Variants in UMAD1 observed in about 807,000 individuals in gnomAD.
The protein encoded by UMAD1 is UBAP1-MVB12-associated (UMA) domain containing 1, also known as UBAP1-MVB12-associated (UMA)-domain containing protein 1.
Under a neutral mutation model 6.1 loss-of-function variants are expected in UMAD1, and 8 were observed. The ratio of observed to expected loss-of-function variants is 1.30; its 90% confidence interval spans 0.76 to 2.35. The LOEUF (loss-of-function observed/expected upper bound fraction) is 2.35. Among genes scored for constraint, UMAD1 ranks in the 30% most tolerant of loss-of-function variants. The pLI, the probability that UMAD1 is intolerant of heterozygous loss-of-function variation, is 0.00. For missense variants in UMAD1, 130 were observed against 78.4 expected, an observed-to-expected ratio of 1.66 and a Z score of -2.49; for synonymous variants, 56 against 31.4, an observed-to-expected ratio of 1.78 and a Z score of -2.61.
intron 2 of UMAD1, among the ~76,000 whole-genome samples, chr7:7,701,109 G>A (rs772759750): frequency 1.3e-5 from 2 of 152,142 alleles, no homozygotes; most frequent in Admixed American, 1.3e-4. Context: ...TCGCCATTTG[G>A]TTAATATTCC....
chr7:7,665,166 C>A (rs975032614), intron 1 of UMAD1, among the ~76,000 whole-genome samples: 2 of 152,058 alleles, frequency 1.3e-5, no homozygotes, highest in Non-Finnish European at 2.9e-5. Context: ...ATTGAGAAAA[C>A]CATGTTGCCT....
chr7:7,683,399 A>C (rs759938494), intron 2 of UMAD1, among the ~76,000 whole-genome samples: 19 of 152,044 alleles, frequency 1.2e-4, no homozygotes, highest in Middle Eastern at 3.2e-3. Context: ...ACTACAGTTC[A>C]CTCTCTAATA....
chr7:7,829,584 CAT>C (rs1334795382), intron 3 of UMAD1, among the ~76,000 whole-genome samples: 1 of 152,156 alleles, frequency 6.6e-6, no homozygotes, highest in Non-Finnish European at 1.5e-5. Flanking sequence ...CTTTAGGTCT[CAT>C]ATAATGAATC....
chr7:7,766,751 T>G (rs1781991902), intron 2 of UMAD1, among the ~76,000 whole-genome samples: 1 of 152,252 alleles, frequency 6.6e-6, no homozygotes, highest in Non-Finnish European at 1.5e-5. Flanking sequence ...ATATGTAATT[T>G]CCTACAAATG....
At chr7:7,644,353 C>G (rs1785047344) in intron 1 of UMAD1, among the ~76,000 whole-genome samples, 1 of 122,306 alleles carries the variant, frequency 8.2e-6, no homozygotes, top group Non-Finnish European at 1.6e-5. Context: ...TTCATTCCAT[C>G]CTTTTTTTTT....
intron 2 of UMAD1, among the ~76,000 whole-genome samples, chr7:7,682,102 G>C (rs1779927418): frequency 6.6e-6 from 1 of 152,146 alleles, no homozygotes; most frequent in Non-Finnish European, 1.5e-5. Context: ...TAAAGGAATT[G>C]GGTTACAGTA....
chr7:7,687,528 A>G (rs1454444352), intron 2 of UMAD1, among the ~76,000 whole-genome samples: 2 of 152,216 alleles, frequency 1.3e-5, no homozygotes, highest in East Asian at 3.8e-4. Context: ...CCCTCAACTC[A>G]GACTGGAAGG....
Position 7,830,906 on chromosome 7 carries a change from A to G in UMAD1, c.156+29163A>G, listed in dbSNP as rs1196315166. Reference sequence around the variant, plus strand: ...GTTATTAGTTTTTATGAATAAGCCAATCACCCAAACATTTCCTCATGTGGC... The same window carrying G: ...GTTATTAGTTTTTATGAATAAGCCAGTCACCCAAACATTTCCTCATGTGGC... On this transcript the variant is annotated intron_variant, in intron 3 of 3. Coordinates refer to ENST00000682710, the MANE Select transcript of UMAD1 (RefSeq NM_001302348.2). This position sits in a 1 kb window ranked among gnomAD's most constrained non-coding sequence, Gnocchi z 5.3. Among the ~76,000 whole-genome samples, 1 of 152,170 alleles carries G rather than the reference A, an allele frequency of 6.6e-6. No individual in the cohort carries two copies. The highest frequency in any genetic ancestry group is 2.4e-5 in the African/African-American group (1 of 41,450).
In UMAD1 at chr7:7,833,780, A is replaced by G. The variant is rs58518523; in HGVS notation, c.156+32037A>G. Among the ~76,000 whole-genome samples, 335 of 152,276 alleles carry G rather than the reference A, an allele frequency of 2.2e-3. 3 individuals carry two copies. Among genetic ancestry groups the G allele is most frequent in the African/African-American group, 7.5e-3 (313 of 41,558 alleles). On this transcript the variant is annotated intron_variant, in intron 3 of 3. Coordinates refer to ENST00000682710, the MANE Select transcript of UMAD1 (RefSeq NM_001302348.2). ...CATAGTTCTATGTATGTCTTTAATCATGGAATAGCAGCCAGAACATGGTGG... is the reference window on the plus strand; with the variant it reads ...CATAGTTCTATGTATGTCTTTAATCGTGGAATAGCAGCCAGAACATGGTGG...
chr7:7,873,252 C>T (rs1436341500), intron 3 of UMAD1, among the ~76,000 whole-genome samples: 1 of 152,208 alleles, frequency 6.6e-6, no homozygotes, highest in Admixed American at 6.5e-5. Context: ...GTTCTGGAAT[C>T]TGTGCTCCTA....
intron 2 of UMAD1, chr7:7,736,001 G>C (rs1038256219): frequency 6.6e-5 from 10 of 152,334 alleles, no homozygotes; most frequent in African/African-American, 2.4e-4. Context: ...GAGAAGCTGT[G>C]GTATTTCTTA....
chr7:7,719,599 A>G (rs1781003669), intron 2 of UMAD1, among the ~76,000 whole-genome samples: 1 of 152,074 alleles, frequency 6.6e-6, no homozygotes, highest in African/African-American at 2.4e-5. Context: ...CCGACTGTAT[A>G]TTTTTCAGAG....
chr7:7,642,113 G>T (rs1433569856), intron 1 of UMAD1, among the ~76,000 whole-genome samples: 1 of 152,112 alleles, frequency 6.6e-6, no homozygotes, highest in Non-Finnish European at 1.5e-5. Context: ...TTATATAGGG[G>T]AGAGTACACA....
chr7:7,729,587 A>G (rs573760101), intron 2 of UMAD1, among the ~76,000 whole-genome samples: 1 of 151,772 alleles, frequency 6.6e-6, no homozygotes, highest in African/African-American at 2.4e-5. Context: ...GTTATCCTCT[A>G]CTCACTCTGG....
At chr7:7,665,002 G>GATAT (rs61708850) in intron 1 of UMAD1, among the ~76,000 whole-genome samples, 49 of 151,248 alleles carry the variant, frequency 3.2e-4, no homozygotes, top group South Asian at 1.3e-3. Flanking sequence ...GTGATATATA[G>GATAT]ATATATATAT....
At chr7:7,856,934 C>T (rs981846737) in intron 3 of UMAD1, among the ~76,000 whole-genome samples, 4 of 152,174 alleles carry the variant, frequency 2.6e-5, no homozygotes, top group African/African-American at 4.8e-5. Flanking sequence ...TCTCACTGAT[C>T]GTCTACTCAG....
At chr7:7,733,749 G>A (rs1049146045) in intron 2 of UMAD1, among the ~76,000 whole-genome samples, 1 of 150,914 alleles carries the variant, frequency 6.6e-6, no homozygotes, top group Non-Finnish European at 1.5e-5. Context: ...ATAGTTGTGC[G>A]TTGTATGGGT....
chr7:7,741,959 A>C, intron 2 of UMAD1: 1 of 277,216 alleles, frequency 3.6e-6, no homozygotes, highest in Non-Finnish European at 7.1e-6. Flanking sequence ...TATAGTGTTG[A>C]AAAAATATTT....
At chr7:7,712,583 G>A (rs1017938837) in intron 2 of UMAD1, among the ~76,000 whole-genome samples, 2 of 152,060 alleles carry the variant, frequency 1.3e-5, no homozygotes, top group African/African-American at 4.8e-5. Context: ...TTCATCTTTA[G>A]ATTCTTTTGA....
Sources: gnomAD v4.1 joint callset for allele counts (sites outside exome capture counted in the v4.1 genomes callset) on GRCh38, gnomAD v4.1.1 for gene constraint, Gnocchi (gnomAD v3.1) non-coding constraint, MANE v1.5 for transcripts, NCBI Gene and HGNC (gene_info 2026-07-23, HGNC 2026-07-21) for gene names.